RANBP17: variants seen among roughly 807,000 people sequenced by gnomAD.
RANBP17 encodes RAN binding protein 17, also known as ran-binding protein 17.
A neutral mutation model predicts 141.2 loss-of-function variants in RANBP17; 158 were observed. The ratio of observed to expected loss-of-function variants is 1.12; its 90% CI spans 0.98 to 1.28. The LOEUF (loss-of-function observed/expected upper bound fraction) is 1.28. Ranked by LOEUF, RANBP17 falls within the 50% of genes most tolerant of loss-of-function variation. The pLI is 0.00. For synonymous variants in RANBP17, 430 were observed against 450.0 expected, an observed-to-expected ratio of 0.96 and a Z score of 0.56; for missense variants, 1,438 against 1,290.7, an observed-to-expected ratio of 1.11 and a Z score of -1.75.
chr5:171,222,457 A>G (rs1561777848), intron 22 of RANBP17, among the ~76,000 whole-genome samples: 1 of 152,218 alleles, frequency 6.6e-6, no homozygotes, highest in Admixed American at 6.5e-5. Context: ...TGGGATGGAT[A>G]AAAATCCTCT....
At chr5:171,132,283 A>C (rs531703176) in intron 14 of RANBP17, among the ~76,000 whole-genome samples, 21 of 152,096 alleles carry the variant, frequency 1.4e-4, no homozygotes, top group African/African-American at 4.8e-4. Flanking sequence ...GAAAGAAAGG[A>C]GAGAAAAGAA....
chr5:171,290,509 A>G (rs1394345367), intron 25 of RANBP17, among the ~76,000 whole-genome samples: 2 of 152,240 alleles, frequency 1.3e-5, no homozygotes, highest in African/African-American at 4.8e-5. Flanking sequence ...GAACAGAGAT[A>G]CAGATCACAC....
At chr5:171,221,998 A>G (rs1286829313) in intron 22 of RANBP17, among the ~76,000 whole-genome samples, 158 bp downstream of exon 22, 1 of 152,236 alleles carries the variant, frequency 6.6e-6, no homozygotes. Flanking sequence ...TCATATTGGC[A>G]TCAGGAGAAG....
rs187019097 is a variant in RANBP17, at chr5:171,226,100, G to A, written c.2422+4260G>A. Among the ~76,000 whole-genome samples the A allele has an allele frequency of 5.6e-3, 859 of 152,238 alleles. 7 individuals carry two copies. The highest frequency in any genetic ancestry group is 9.8e-3 in the Non-Finnish European group (665 of 68,026). On this transcript the variant is annotated intron_variant, in intron 22 of 27. Coordinates refer to ENST00000523189, the MANE Select transcript of RANBP17 (RefSeq NM_022897.5). ...CATGTATTTCAAAACTTAGTGCTAC[G>A]ATCCGTTCAGCCTGAGCAACTTAAT... is the stretch of plus-strand genomic sequence containing the variant.
At position 170,924,474 on chromosome 5, in the gene RANBP17, C is replaced by G. The variant is rs373712608; in HGVS notation, c.1392C>G (p.Phe464Leu). ...EKTCALLVQLFDQNAQNYQKL... is the reference protein window; with the variant it reads ...EKTCALLVQLLDQNAQNYQKL... The stretch of plus-strand genomic sequence containing the variant: ...CATGTGCTCTTCTTGTGCAGTTATT[C>G]GACCAAAATGCACAGAATTACCAAA... Residue 464 changes from phenylalanine to leucine, a missense_variant, in exon 12 of 28, where the codon TTC becomes TTG. Coordinates refer to ENST00000523189, the MANE Select transcript of RANBP17 (RefSeq NM_022897.5). 1.2e-6 allele frequency: 2 copies of G among 1,613,058 alleles called. No homozygotes were observed. The highest frequency in any genetic ancestry group is 1.7e-6 in the Non-Finnish European group (2 of 1,179,324).
intron 14 of RANBP17, among the ~76,000 whole-genome samples, chr5:171,079,146 C>G (rs1050314371): frequency 2.6e-5 from 4 of 152,116 alleles, no homozygotes; most frequent in African/African-American, 9.7e-5. Flanking sequence ...ATGGATGACT[C>G]TGAGGGGTTC....
At chr5:170,910,870 ATTAGTT>A in intron 6 of RANBP17, 93 bp from the exon 7 acceptor site, 4 of 1,177,616 alleles carry the variant, frequency 3.4e-6, no homozygotes, top group Non-Finnish European at 4.8e-6. Context: ...AAACTCCTTT[ATTAGTT>A]TTCATTTGAC....
intron 25 of RANBP17, among the ~76,000 whole-genome samples, chr5:171,268,734 G>A (rs1262492102): frequency 3.9e-5 from 6 of 152,100 alleles, no homozygotes; most frequent in Non-Finnish European, 8.8e-5. Context: ...GGACAAGTCT[G>A]CCACCAAATC....
At chr5:171,202,169 ACTTATT>A (rs1211468398) in intron 19 of RANBP17, among the ~76,000 whole-genome samples, 3 of 152,172 alleles carry the variant, frequency 2.0e-5, no homozygotes, top group African/African-American at 7.2e-5. Flanking sequence ...TTATTTTCTT[ACTTATT>A]CTTAATAAAA....
At chr5:171,258,279 C>G (rs373673949) in intron 24 of RANBP17, among the ~76,000 whole-genome samples, 1 of 151,956 alleles carries the variant, frequency 6.6e-6, no homozygotes, top group African/African-American at 2.4e-5. Context: ...GCTCATGGAT[C>G]GGAAGAATAT....
chr5:171,290,262 A>G (rs1351015329), intron 25 of RANBP17, among the ~76,000 whole-genome samples: 2 of 151,712 alleles, frequency 1.3e-5, no homozygotes, highest in Non-Finnish European at 2.9e-5. Context: ...CCAGCTACTC[A>G]GGAGGCTGAT....
chr5:171,293,974 A>G lies in RANBP17; in HGVS notation c.3035A>G (p.Asn1012Ser), dbSNP rs763756678. 8 of 1,611,108 alleles carry G rather than the reference A, an allele frequency of 5.0e-6. No homozygotes were observed. The highest frequency in any genetic ancestry group is 1.3e-5 in the African/African-American group (1 of 74,858). Residue 1012 changes from asparagine (N) to serine (S), a missense_variant, in exon 26 of 28, where the codon AAT (asparagine) becomes AGT (serine). Asn to Ser is a conservative substitution (Grantham distance 46, BLOSUM62 1). Coordinates refer to ENST00000523189, the MANE Select transcript of RANBP17 (RefSeq NM_022897.5). ...SRPLLGLILL[N>S]EKYFSELRAS... is the part of the protein sequence containing the mutation. ...CCTCTCCTGGGGCTCATCCTGCTCAATGAGAAGGTGAGTGTGATTGCAGGA... is the reference window on the plus strand; with the variant it reads ...CCTCTCCTGGGGCTCATCCTGCTCAGTGAGAAGGTGAGTGTGATTGCAGGA...
chr5:170,956,400 TTTC>T (rs1252509827), intron 13 of RANBP17, among the ~76,000 whole-genome samples: 10 of 152,182 alleles, frequency 6.6e-5, no homozygotes, highest in African/African-American at 2.4e-4. Context: ...CTTTAAACTA[TTTC>T]TTCAATAAAA....
intron 12 of RANBP17, among the ~76,000 whole-genome samples, chr5:170,925,533 A>G (rs561841902): frequency 2.0e-5 from 3 of 152,154 alleles, no homozygotes; most frequent in African/African-American, 7.2e-5. Flanking sequence ...AAGGATATTT[A>G]TATATATTGA....
intron 1 of RANBP17, among the ~76,000 whole-genome samples, chr5:170,872,698 T>G (rs934864022): frequency 1.6e-4 from 25 of 152,216 alleles, no homozygotes; most frequent in African/African-American, 6.0e-4. Flanking sequence ...ATACCTAGTT[T>G]ATTAAGAATT....
At chr5:170,950,889 A>C (rs1164247272) in intron 12 of RANBP17, among the ~76,000 whole-genome samples, 1 of 152,122 alleles carries the variant, frequency 6.6e-6, no homozygotes, top group African/African-American at 2.4e-5. Flanking sequence ...GAATACCGTT[A>C]GGCCATAAGA....
chr5:171,086,312 G>A (rs1785649524), intron 14 of RANBP17, among the ~76,000 whole-genome samples: 1 of 150,184 alleles, frequency 6.7e-6, no homozygotes, highest in Non-Finnish European at 1.5e-5. Context: ...CAGGGATGAA[G>A]CCCACTTGAT....
intron 24 of RANBP17, among the ~76,000 whole-genome samples, chr5:171,262,665 T>G (rs1353334693): frequency 6.6e-6 from 1 of 152,196 alleles, no homozygotes; most frequent in Non-Finnish European, 1.5e-5. Context: ...AATCTGCTCT[T>G]TTAGCTACTC....
chr5:170,966,409 A>C (rs915251977), intron 13 of RANBP17, among the ~76,000 whole-genome samples: 58 of 152,310 alleles, frequency 3.8e-4, no homozygotes, highest in Non-Finnish European at 7.6e-4. Context: ...CAATAAATGT[A>C]ATCCAGCATA....
Sources: allele counts gnomAD v4.1 joint callset (sites outside exome capture counted in the v4.1 genomes callset), GRCh38; gene constraint gnomAD v4.1.1; transcripts MANE v1.5; gene names NCBI Gene and HGNC (gene_info 2026-07-23, HGNC 2026-07-21).